Variants in ERICH6B observed in about 807,000 individuals in gnomAD.
ERICH6B encodes glutamate rich 6B.
Under a neutral mutation model 80.0 loss-of-function variants are expected in ERICH6B, and 69 were observed. That is an observed-to-expected ratio of 0.86 (90% CI 0.71 to 1.05). The LOEUF is 1.05. Among genes scored for constraint, ERICH6B ranks in the 50% least tolerant of loss-of-function variants. The probability of loss-of-function intolerance (pLI) is 0.00; values close to 1 mark genes in which losing one functional copy is unlikely to be tolerated. For missense variants in ERICH6B, 754 were observed against 796.1 expected, an observed-to-expected ratio of 0.95 and a Z score of 0.64; for synonymous variants, 283 against 291.9, an observed-to-expected ratio of 0.97 and a Z score of 0.31.
rs564654699 is a variant in ERICH6B, at chr13:45,557,810, A to G, written c.1407+3559T>C. ...TCTATGTGCCTATTTTTATACCAGT[A>G]CCATGCTGTTTTGGTGACTATGGCC... On this transcript the variant is annotated intron_variant, in intron 11 of 14. Transcript: ENST00000298738. Among the ~76,000 whole-genome samples, 4 of 152,304 alleles carry G rather than the reference A, an allele frequency of 2.6e-5. 1 individual carries two copies. Among genetic ancestry groups the G allele is most frequent in the Admixed American group, 2.6e-4 (4 of 15,292 alleles).
intron 3 of ERICH6B, among the ~76,000 whole-genome samples, chr13:45,596,156 G>T (rs1325545606): frequency 6.6e-6 from 1 of 152,124 alleles, no homozygotes; most frequent in Non-Finnish European, 1.5e-5. Flanking sequence ...CTTCCTCCCT[G>T]TCAGCACCAT....
intron 1 of ERICH6B, among the ~76,000 whole-genome samples, chr13:45,615,109 A>C (rs1028462662): frequency 2.0e-5 from 3 of 152,240 alleles, no homozygotes; most frequent in African/African-American, 7.2e-5. Context: ...GGAACAGAAC[A>C]CTTGTAAAAA....
Position 45,597,027 on chromosome 13 carries a change from G to A in ERICH6B, c.-22C>T, listed in dbSNP as rs889161789. On this transcript the variant is annotated 5_prime_UTR_variant, in exon 3 of 15. Coordinates refer to ENST00000298738, the MANE Select transcript of ERICH6B (RefSeq NM_182542.3). ...ACATGCTGGGGAAGTCGTAGGTGGTGAACTCCTTCTGCAGCAGCCAACGTC... is the reference window on the plus strand; with the variant it reads ...ACATGCTGGGGAAGTCGTAGGTGGTAAACTCCTTCTGCAGCAGCCAACGTC... 1 of 1,520,252 alleles carries A rather than the reference G, an allele frequency of 6.6e-7. No individual in the cohort carries two copies. Among genetic ancestry groups the A allele is most frequent in the Non-Finnish European group, 8.8e-7 (1 of 1,130,412 alleles). The allele number at this position is 1,520,252 out of a possible 1,614,324, so 94.2% of individuals were successfully genotyped here.
At chr13:45,573,938 A>G (rs1875275183) in intron 8 of ERICH6B, among the ~76,000 whole-genome samples, 1 of 151,926 alleles carries the variant, frequency 6.6e-6, no homozygotes, top group African/African-American at 2.4e-5. Flanking sequence ...AATTTATGTC[A>G]TTTTTTTTCC....
At chr13:45,588,907 C>T (rs1876041145) in intron 4 of ERICH6B, among the ~76,000 whole-genome samples, 1 of 152,138 alleles carries the variant, frequency 6.6e-6, no homozygotes, top group African/African-American at 2.4e-5. Flanking sequence ...GGAGTTGGAC[C>T]ACTCGAGGCC....
intron 3 of ERICH6B, among the ~76,000 whole-genome samples, chr13:45,591,078 C>T (rs1383986380): frequency 1.3e-5 from 2 of 152,162 alleles, no homozygotes; most frequent in African/African-American, 2.4e-5. Context: ...GCTTGTGTCA[C>T]GTAATCACCT....
At chr13:45,582,470 G>A (rs1457041496) in intron 5 of ERICH6B, among the ~76,000 whole-genome samples, 1 of 152,204 alleles carries the variant, frequency 6.6e-6, no homozygotes. Context: ...TGATATCAAT[G>A]ACCAATATCT....
chr13:45,613,432 TG>T (rs879401778), intron 1 of ERICH6B, among the ~76,000 whole-genome samples: 31 of 152,210 alleles, frequency 2.0e-4, no homozygotes, highest in African/African-American at 7.5e-4. Context: ...ATTGTGTCCA[TG>T]AACATGATCA....
intron 14 of ERICH6B, among the ~76,000 whole-genome samples, chr13:45,542,622 C>A (rs982785604): frequency 4.6e-5 from 7 of 152,218 alleles, no homozygotes; most frequent in Non-Finnish European, 8.8e-5. Flanking sequence ...CTGTCCCTGC[C>A]CTCCTCCCTC....
chr13:45,594,241 T>C (rs1288617704), intron 3 of ERICH6B, among the ~76,000 whole-genome samples: 7 of 152,254 alleles, frequency 4.6e-5, no homozygotes. Context: ...AGACATTCTT[T>C]CATGAGCCTT....
In ERICH6B at chr13:45,550,275, C is replaced by A. The variant is rs1874165909; in HGVS notation, c.1449G>T (p.Lys483Asn). The change falls in exon 12 of 15, where the codon AAG becomes AAT. Residue 483 changes from lysine (K) to asparagine (N), a missense_variant. By Grantham distance (94) the Lys-to-Asn change is moderately conservative. Coordinates refer to ENST00000298738, the MANE Select transcript of ERICH6B (RefSeq NM_182542.3). ...GDGKLILYPNKNVYQILFPDG... is the reference protein window; with the variant it reads ...GDGKLILYPNNNVYQILFPDG... ...CAGGAAAGAGAATTTGATAGACATT[C>A]TTGTTGGGGTAGAGAATTAATTTTC... The A allele has an allele frequency of 6.4e-7, 1 of 1,551,482 alleles. No homozygotes were observed. The highest frequency in any genetic ancestry group is 2.0e-5 in the Admixed American group (1 of 50,978).
At chr13:45,570,544 G>A (rs1875110483) in intron 8 of ERICH6B, among the ~76,000 whole-genome samples, 1 of 152,234 alleles carries the variant, frequency 6.6e-6, no homozygotes, top group Non-Finnish European at 1.5e-5. Context: ...GAGGGCTTTA[G>A]CTTCCTCTCC....
intron 11 of ERICH6B, among the ~76,000 whole-genome samples, chr13:45,558,421 C>T (rs984873436): frequency 1.3e-5 from 2 of 151,958 alleles, no homozygotes; most frequent in Non-Finnish European, 2.9e-5. Flanking sequence ...ATTTGGATGC[C>T]CTTTCTTTCT....
intron 8 of ERICH6B, among the ~76,000 whole-genome samples, chr13:45,571,875 G>A (rs920552190): frequency 3.9e-5 from 6 of 152,176 alleles, no homozygotes; most frequent in African/African-American, 1.2e-4. Context: ...GTCATGGAGA[G>A]ATACCTGGGC....
In ERICH6B at chr13:45,606,531, ATATATATATATATATATTTTTTTT is replaced by A. The variant is rs1351198305; in HGVS notation, c.-59+1009_-59+1032del. 1.9e-3 allele frequency among the ~76,000 whole-genome samples: 81 copies of A among 43,248 alleles called. 3 individuals are homozygous for A. The highest frequency in any genetic ancestry group is 3.3e-3 in the East Asian group (4 of 1,202). 28.4% of individuals were successfully genotyped at this position (43,248 alleles called of 152,430 possible). A position where few individuals can be genotyped will look rare whatever the true frequency, so the allele number is the denominator to read the frequency against. ...TATATATATATATATATATATATAT[ATATATATATATATATATTTTTTTT>A]TTTTTTTTTTTTTTTGGAGACAGAG... On this transcript the variant is annotated intron_variant, in intron 2 of 14. Transcript: ENST00000298738.
intron 3 of ERICH6B, among the ~76,000 whole-genome samples, chr13:45,591,831 T>C (rs1325760752): frequency 1.3e-5 from 2 of 152,178 alleles, no homozygotes; most frequent in African/African-American, 4.8e-5. Context: ...TATTTATATT[T>C]GAATGTTCGT....
At chr13:45,609,057 C>T (rs1251071553) in intron 1 of ERICH6B, among the ~76,000 whole-genome samples, 5 of 152,236 alleles carry the variant, frequency 3.3e-5, no homozygotes, top group East Asian at 3.8e-4. Flanking sequence ...CCATCACCAT[C>T]GTCAAATCCA....
chr13:45,610,491 G>A (rs1949893372), intron 1 of ERICH6B, among the ~76,000 whole-genome samples: 1 of 152,134 alleles, frequency 6.6e-6, no homozygotes, highest in Non-Finnish European at 1.5e-5. Context: ...ACGTCAATTA[G>A]ACTCTTTCTT....
chr13:45,570,927 C>G (rs1193675896), intron 8 of ERICH6B, among the ~76,000 whole-genome samples: 1 of 152,136 alleles, frequency 6.6e-6, no homozygotes, highest in Non-Finnish European at 1.5e-5. Flanking sequence ...GGCATTCACT[C>G]CACTGCAGCT....
Sources: gnomAD v4.1 joint callset for allele counts (sites outside exome capture counted in the v4.1 genomes callset) on GRCh38, gnomAD v4.1.1 for gene constraint, MANE v1.5 for transcripts, NCBI Gene and HGNC (gene_info 2026-07-23, HGNC 2026-07-21) for gene names.